The following NXPH1 variants were observed in gnomAD, a reference collection of about 807,000 sequenced individuals.
The protein encoded by NXPH1 is neurexophilin 1.
Under a neutral mutation model 23.7 loss-of-function variants are expected in NXPH1, and 5 were observed. The observed-to-expected ratio is 0.21, with a 90% CI of 0.11 to 0.44. NXPH1 has a LOEUF of 0.44. Ranked by LOEUF, NXPH1 falls within the 20% of genes least tolerant of loss-of-function variation. The pLI is 0.99. For synonymous variants in NXPH1, 144 were observed against 122.2 expected, an observed-to-expected ratio of 1.18 and a Z score of -1.18; for missense variants, 324 against 321.6, an observed-to-expected ratio of 1.01 and a Z score of -0.06.
chr7:8,485,058 G>A (rs1454277888), intron 2 of NXPH1, among the ~76,000 whole-genome samples: 2 of 152,098 alleles, frequency 1.3e-5, no homozygotes, highest in Non-Finnish European at 2.9e-5. Flanking sequence ...GAACAAAATG[G>A]CATTATGCCT....
intron 2 of NXPH1, among the ~76,000 whole-genome samples, chr7:8,456,567 T>C (rs1816598036): frequency 6.6e-6 from 1 of 152,126 alleles, no homozygotes. Flanking sequence ...AGGCCAGACA[T>C]GACATATCAG....
chr7:8,732,212 C>G (rs569699232), intron 2 of NXPH1, among the ~76,000 whole-genome samples: 1 of 152,212 alleles, frequency 6.6e-6, no homozygotes, highest in Non-Finnish European at 1.5e-5. Flanking sequence ...GTGCATGGTG[C>G]GCGCACCCAC....
intron 2 of NXPH1, among the ~76,000 whole-genome samples, chr7:8,635,170 C>T (rs1040122505): frequency 6.6e-6 from 1 of 152,108 alleles, no homozygotes; most frequent in African/African-American, 2.4e-5. Context: ...GAAAAAAATG[C>T]TATGTCACCG....
chr7:8,630,277 A>T (rs139834015), intron 2 of NXPH1, among the ~76,000 whole-genome samples: 2 of 152,264 alleles, frequency 1.3e-5, no homozygotes, highest in African/African-American at 4.8e-5. Flanking sequence ...ATTGAATTTA[A>T]TTCAATCCAA....
chr7:8,633,647 G>A (rs6963180), intron 2 of NXPH1, among the ~76,000 whole-genome samples: 11 of 151,834 alleles, frequency 7.2e-5, no homozygotes, highest in Non-Finnish European at 1.3e-4. Flanking sequence ...GTTTAGTAAC[G>A]TTTAACAATT....
chr7:8,582,963 C>T (rs1451938812), intron 2 of NXPH1, among the ~76,000 whole-genome samples: 1 of 152,186 alleles, frequency 6.6e-6, no homozygotes, highest in Non-Finnish European at 1.5e-5. Flanking sequence ...TCAGCACCCC[C>T]TTGGCCTTCC....
chr7:8,640,314 G>A (rs1820286812), intron 2 of NXPH1, among the ~76,000 whole-genome samples: 1 of 151,900 alleles, frequency 6.6e-6, no homozygotes, highest in Admixed American at 6.6e-5. Context: ...ATATGGGGTG[G>A]AAATCAGAAT....
At position 8,442,142 on chromosome 7, in the gene NXPH1, C is replaced by G. The variant is rs975049543; in HGVS notation, c.54+6375C>G. Among the ~76,000 whole-genome samples, 3 of 152,116 alleles carry G rather than the reference C, an allele frequency of 2.0e-5. No homozygotes were observed. Among genetic ancestry groups the G allele is most frequent in the African/African-American group, 7.2e-5 (3 of 41,420 alleles). On this transcript the variant is annotated intron_variant, in intron 2 of 2. Coordinates refer to ENST00000405863, the MANE Select transcript of NXPH1 (RefSeq NM_152745.3). The surrounding 1 kb of genome is among the most constrained non-coding windows in gnomAD (Gnocchi z 4.6). ...TTACGAAAAGCTTTCCTAGCTCCTT[C>G]TTCCTATAAATTAATGAGGGTATTT...
At position 8,743,165 on chromosome 7, in the gene NXPH1, A is replaced by G. The variant is rs150542405; in HGVS notation, c.55-7843A>G. Among the ~76,000 whole-genome samples the G allele has an allele frequency of 3.9e-5, 6 of 152,224 alleles. No individual in the cohort carries two copies. In the East Asian group the frequency reaches 1.2e-3, roughly 29 times the overall value. On this transcript the variant is annotated intron_variant, in intron 2 of 2. Coordinates refer to ENST00000405863, the MANE Select transcript of NXPH1 (RefSeq NM_152745.3). ...TTGGTTACTTATTCACCAGTGAGCA[A>G]TGTTGCTTGAGCAATAGTTTTTTTT... is the stretch of plus-strand genomic sequence containing the variant.
At chr7:8,568,431 A>AT (rs1304556901) in intron 2 of NXPH1, among the ~76,000 whole-genome samples, 2 of 151,862 alleles carry the variant, frequency 1.3e-5, no homozygotes, top group Non-Finnish European at 2.9e-5. Context: ...ATAGCAGCTT[A>AT]TGTGCAGATG....
At chr7:8,560,703 C>A (rs1424213016) in intron 2 of NXPH1, among the ~76,000 whole-genome samples, 2 of 151,616 alleles carry the variant, frequency 1.3e-5, no homozygotes, top group Non-Finnish European at 3.0e-5. Flanking sequence ...CTTTTCTCAA[C>A]CTTTTGTGTG....
intron 2 of NXPH1, among the ~76,000 whole-genome samples, chr7:8,478,399 T>C (rs1216642080): frequency 6.6e-6 from 1 of 151,918 alleles, no homozygotes; most frequent in East Asian, 1.9e-4. Context: ...TTAAAAAATA[T>C]CAGTTAAGAA....
chr7:8,469,349 T>C (rs1345875262), intron 2 of NXPH1, among the ~76,000 whole-genome samples: 2 of 152,098 alleles, frequency 1.3e-5, no homozygotes, highest in African/African-American at 2.4e-5. Context: ...AAAAAATCTT[T>C]ATTTGCTAAC....
intron 2 of NXPH1, among the ~76,000 whole-genome samples, chr7:8,513,122 G>A (rs1400844273): frequency 6.6e-6 from 1 of 152,040 alleles, no homozygotes; most frequent in East Asian, 1.9e-4. Flanking sequence ...AGGGAAAAGT[G>A]CCCAACTACC....
At chr7:8,519,724 C>T (rs990198508) in intron 2 of NXPH1, among the ~76,000 whole-genome samples, 5 of 152,094 alleles carry the variant, frequency 3.3e-5, no homozygotes, top group South Asian at 2.1e-4. Context: ...GAAAGCCATG[C>T]ATGGGCTGAA....
chr7:8,478,059 A>AT (rs1186420708), intron 2 of NXPH1, among the ~76,000 whole-genome samples: 11 of 152,158 alleles, frequency 7.2e-5, no homozygotes, highest in Non-Finnish European at 1.2e-4. Context: ...ATGAATAAAA[A>AT]GATGAATGCA....
chr7:8,440,567 A>C (rs1816280451), intron 2 of NXPH1, among the ~76,000 whole-genome samples: 1 of 151,880 alleles, frequency 6.6e-6, no homozygotes, highest in Non-Finnish European at 1.5e-5. Context: ...TTTTTTTTTG[A>C]GATAGGTGCC....
intron 2 of NXPH1, among the ~76,000 whole-genome samples, chr7:8,705,486 A>G (rs1249886520): frequency 6.6e-6 from 1 of 152,114 alleles, no homozygotes; most frequent in Non-Finnish European, 1.5e-5. Context: ...CCACCACCAA[A>G]AGCTTGAAAT....
chr7:8,743,513 A>T (rs1298762126), intron 2 of NXPH1, among the ~76,000 whole-genome samples: 5 of 152,144 alleles, frequency 3.3e-5, no homozygotes, highest in African/African-American at 4.8e-5. Context: ...GAAGTGGTTT[A>T]TTCCCCCAAA....
Sources: allele counts gnomAD v4.1 joint callset (sites outside exome capture counted in the v4.1 genomes callset), GRCh38; gene constraint gnomAD v4.1.1; non-coding constraint Gnocchi (gnomAD v3.1); transcripts MANE v1.5; gene names NCBI Gene and HGNC (gene_info 2026-07-23, HGNC 2026-07-21).